The following IGSF10 variants were observed in gnomAD, a reference collection of about 807,000 sequenced individuals.
IGSF10 encodes the protein immunoglobulin superfamily member 10, also known as calvaria mechanical force protein 608.
In IGSF10, 126 loss-of-function variants were observed where a neutral mutation model predicts 128.2. That is an observed-to-expected ratio of 0.98 (90% CI 0.85 to 1.14). The LOEUF is 1.14. IGSF10 is among the 50% of genes most tolerant of loss of function. IGSF10 has a pLI of 0.00. For synonymous variants in IGSF10, 1,185 were observed against 1,146.2 expected, an observed-to-expected ratio of 1.03 and a Z score of -0.68; for missense variants, 3,295 against 3,149.8, an observed-to-expected ratio of 1.05 and a Z score of -1.10.
At chr3:151,556,102 T>G in the IGSF10 span, among the ~76,000 whole-genome samples, 6 of 152,202 alleles carry the variant, frequency 3.9e-5, no homozygotes, top group African/African-American at 1.4e-4. Context: ...GAGGCCCCGC[T>G]GGTTAGTCCT....
chr3:151,496,776 C>A, the IGSF10 span, among the ~76,000 whole-genome samples: 6 of 151,884 alleles, frequency 4.0e-5, no homozygotes, highest in African/African-American at 1.5e-4. Flanking sequence ...AATGGTTGAA[C>A]TAGTTAACAG....
At chr3:151,566,721 G>A in the IGSF10 span, among the ~76,000 whole-genome samples, 6,122 of 152,268 alleles carry the variant, frequency 0.04, 357 homozygotes, top group African/African-American at 0.13. Context: ...GCAGAGAGCT[G>A]GGAATATTTA....
the IGSF10 span, among the ~76,000 whole-genome samples, chr3:151,588,327 G>A: frequency 6.6e-6 from 1 of 151,892 alleles, no homozygotes; most frequent in East Asian, 1.9e-4. Context: ...AATGTAACTG[G>A]GGAATATTCA....
At chr3:151,559,206 T>C in the IGSF10 span, among the ~76,000 whole-genome samples, 5 of 152,280 alleles carry the variant, frequency 3.3e-5, no homozygotes, top group African/African-American at 1.2e-4. Flanking sequence ...CAACAGCTAT[T>C]GATCATGGTA....
chr3:151,512,054 A>C, the IGSF10 span, among the ~76,000 whole-genome samples: 1 of 152,178 alleles, frequency 6.6e-6, no homozygotes, highest in Non-Finnish European at 1.5e-5. Context: ...AGACAGATCA[A>C]CTAGACAGAA....
the IGSF10 span, among the ~76,000 whole-genome samples, chr3:151,515,684 A>G: frequency 8.6e-4 from 128 of 149,164 alleles, no homozygotes; most frequent in Non-Finnish European, 1.6e-3. Context: ...CAAAAAATAT[A>G]TAATATATAT....
At chr3:151,492,844 T>C in the IGSF10 span, among the ~76,000 whole-genome samples, 1 of 152,202 alleles carries the variant, frequency 6.6e-6, no homozygotes, top group Non-Finnish European at 1.5e-5. Context: ...ACTCCTATGT[T>C]CACTGTAGCA....
At chr3:151,557,355 T>G in the IGSF10 span, among the ~76,000 whole-genome samples, 1 of 152,078 alleles carries the variant, frequency 6.6e-6, no homozygotes, top group Non-Finnish European at 1.5e-5. Context: ...TGGCCTCTGG[T>G]GTGGTGCCAA....
the IGSF10 span, among the ~76,000 whole-genome samples, chr3:151,469,970 G>A: frequency 6.6e-6 from 1 of 152,184 alleles, no homozygotes; most frequent in African/African-American, 2.4e-5. Context: ...GATTCCAAGT[G>A]TTCACAATAA....
chr3:151,437,462 G>T lies in IGSF10; in HGVS notation c.7099C>A (p.Pro2367Thr), dbSNP rs775115813. Reference sequence around the variant, plus strand: ...TTTGGTAAAATCCAGATTATTTCAGGTGGTGGGTTACCATCAACAGAGCAA... The same window carrying T: ...TTTGGTAAAATCCAGATTATTTCAGTTGGTGGGTTACCATCAACAGAGCAA... Reference protein sequence around the residue: ...LNCSVDGNPPPEIIWILPNGT... With the variant: ...LNCSVDGNPPTEIIWILPNGT... The change falls in exon 8 of 8, where the codon CCT becomes ACT. Residue 2367 changes from proline to threonine, a missense_variant. By Grantham distance (38) the Pro-to-Thr change is conservative. Coordinates refer to ENST00000282466, the MANE Select transcript of IGSF10 (RefSeq NM_178822.5). 5.6e-6 allele frequency: 9 copies of T among 1,614,058 alleles called. No homozygotes were observed. The South Asian group carries it at 9.9e-5, about 18-fold the overall frequency.
At chr3:151,511,292 G>A in the IGSF10 span, among the ~76,000 whole-genome samples, 1 of 152,226 alleles carries the variant, frequency 6.6e-6, no homozygotes, top group Non-Finnish European at 1.5e-5. Flanking sequence ...AAAGCCAGAA[G>A]AGAGTGGGGG....
At chr3:151,489,538 C>A in the IGSF10 span, among the ~76,000 whole-genome samples, 2 of 152,036 alleles carry the variant, frequency 1.3e-5, no homozygotes, top group African/African-American at 2.4e-5. Flanking sequence ...TTTATTGCAG[C>A]ACTATTCAAA....
the IGSF10 span, among the ~76,000 whole-genome samples, chr3:151,537,244 G>A: frequency 1.8e-4 from 27 of 152,232 alleles, no homozygotes; most frequent in Admixed American, 2.6e-4. Flanking sequence ...TACTCAATAC[G>A]TATAGCACTG....
At chr3:151,540,012 T>G in the IGSF10 span, among the ~76,000 whole-genome samples, 1 of 152,134 alleles carries the variant, frequency 6.6e-6, no homozygotes, top group African/African-American at 2.4e-5. Flanking sequence ...TCCCCTTAGC[T>G]GGGCGTCAGT....
chr3:151,513,053 C>T, the IGSF10 span, among the ~76,000 whole-genome samples: 1 of 152,174 alleles, frequency 6.6e-6, no homozygotes, highest in Non-Finnish European at 1.5e-5. Context: ...GAACTGGTAC[C>T]ATTCCTTCTG....
chr3:151,568,058 T>C, the IGSF10 span, among the ~76,000 whole-genome samples: 2 of 152,204 alleles, frequency 1.3e-5, no homozygotes, highest in African/African-American at 4.8e-5. Context: ...TTTGGGTACC[T>C]ACTAGTTTAT....
chr3:151,491,389 C>G, the IGSF10 span, among the ~76,000 whole-genome samples: 1 of 151,926 alleles, frequency 6.6e-6, no homozygotes, highest in Non-Finnish European at 1.5e-5. Flanking sequence ...CCAACCTGGC[C>G]AACATGATGA....
At chr3:151,455,300 TGGGG>T (rs1721732121) in intron 4 of IGSF10, among the ~76,000 whole-genome samples, 1 of 151,832 alleles carries the variant, frequency 6.6e-6, no homozygotes, top group African/African-American at 2.4e-5. Flanking sequence ...TTAGTAGAGA[TGGGG>T]TTTCTCCATG....
At chr3:151,549,025 T>C in the IGSF10 span, among the ~76,000 whole-genome samples, 1 of 152,308 alleles carries the variant, frequency 6.6e-6, no homozygotes, top group South Asian at 2.1e-4. Flanking sequence ...CACTTTTCTT[T>C]CTTTTTTAAA....
Sources: allele counts gnomAD v4.1 joint callset (sites outside exome capture counted in the v4.1 genomes callset), GRCh38; gene constraint gnomAD v4.1.1; transcripts MANE v1.5; gene names NCBI Gene and HGNC (gene_info 2026-07-23, HGNC 2026-07-21).